The following SYN3 variants were observed in gnomAD, a reference collection of about 807,000 sequenced individuals.
SYN3 encodes the protein synapsin-3.
A neutral mutation model predicts 65.8 loss-of-function variants in SYN3; 35 were observed. That is an observed-to-expected ratio of 0.53 (90% confidence interval 0.41 to 0.70). SYN3 has a LOEUF of 0.70. SYN3 is among the 30% of genes least tolerant of loss of function. The probability of loss-of-function intolerance (pLI) is 0.00; values close to 1 mark genes in which losing one functional copy is unlikely to be tolerated. For missense variants in SYN3, 680 were observed against 749.0 expected (o/e 0.91, Z 1.08); for synonymous variants, 270 against 292.9 (o/e 0.92, Z 0.80).
At chr22:32,672,743 G>A (rs1254864800) in intron 6 of SYN3, among the ~76,000 whole-genome samples, 1 of 152,200 alleles carries the variant, frequency 6.6e-6, no homozygotes, top group Non-Finnish European at 1.5e-5. Context: ...CTGGGGAGGC[G>A]GCCAGCTGGG....
chr22:32,547,947 G>C (rs376014233), intron 7 of SYN3, among the ~76,000 whole-genome samples: 2 of 152,210 alleles, frequency 1.3e-5, no homozygotes, highest in African/African-American at 4.8e-5. Context: ...TATGGAGTAA[G>C]TCTTAGCCCT....
rs1162690886 is a variant in SYN3 at position 32,715,008 on chromosome 22, C to G, written c.712-118272G>C. Among the ~76,000 whole-genome samples the G allele has an allele frequency of 2.0e-5, 3 of 152,150 alleles. No homozygotes were observed. In the East Asian group the frequency reaches 5.8e-4, roughly 29 times the overall value. ...AAGTATGTTCTGCGGAGCGCTCCTT[C>G]CCCCAAGATGCTTCCCACAAGATAA... is the stretch of plus-strand genomic sequence containing the variant. On this transcript the variant is annotated intron_variant, in intron 6 of 13. Coordinates refer to ENST00000358763, the MANE Select transcript of SYN3 (RefSeq NM_003490.4).
intron 3 of SYN3, among the ~76,000 whole-genome samples, chr22:32,971,299 T>TA (rs1569367109): frequency 6.6e-6 from 1 of 152,198 alleles, no homozygotes; most frequent in Admixed American, 6.5e-5. Flanking sequence ...CTGCTTTTTT[T>TA]ATCCCCCCAG....
intron 4 of SYN3, among the ~76,000 whole-genome samples, chr22:32,923,765 T>C (rs986279127): frequency 1.3e-5 from 2 of 152,186 alleles, no homozygotes; most frequent in Admixed American, 1.3e-4. Context: ...TCATAGGGGT[T>C]TGCTGTACAG....
chr22:32,840,285 A>G (rs564608961), intron 6 of SYN3, among the ~76,000 whole-genome samples: 7 of 152,314 alleles, frequency 4.6e-5, no homozygotes, highest in African/African-American at 1.7e-4. Flanking sequence ...TAACGGAAAG[A>G]GTTAGTCAGG....
chr22:32,687,314 C>A (rs1015057384), intron 6 of SYN3, among the ~76,000 whole-genome samples: 93 of 152,180 alleles, frequency 6.1e-4, no homozygotes, highest in Middle Eastern at 3.4e-3. Flanking sequence ...AAGCGCTCAC[C>A]ACCACGCCCG....
In SYN3 at chr22:32,951,370, C is replaced by T. The variant is rs117895836; in HGVS notation, c.370-19889G>A. On this transcript the variant is annotated intron_variant, in intron 3 of 13. Transcript: ENST00000358763. ...AGCTGCATCCTCCCTGCAAAGCACC[C>T]TGCTGGGTTCCACAGCCAATTTCCT... Among the ~76,000 whole-genome samples, 12 of 152,320 alleles carry T rather than the reference C, an allele frequency of 7.9e-5. 1 individual carries two copies. The East Asian group carries it at 2.3e-3, about 29-fold the overall frequency.
chr22:32,684,953 T>C (rs1464234857), intron 6 of SYN3, among the ~76,000 whole-genome samples: 1 of 152,218 alleles, frequency 6.6e-6, no homozygotes, highest in African/African-American at 2.4e-5. Context: ...AAAGTAGGAA[T>C]TGGCAAACTG....
intron 1 of SYN3, among the ~76,000 whole-genome samples, chr22:33,035,141 C>T (rs1569416744): frequency 6.6e-6 from 1 of 152,024 alleles, no homozygotes; most frequent in Non-Finnish European, 1.5e-5. Flanking sequence ...GGAAGCTGGG[C>T]GGTCACCAGC....
chr22:32,830,137 C>A (rs948071295), intron 6 of SYN3, among the ~76,000 whole-genome samples: 2 of 152,192 alleles, frequency 1.3e-5, no homozygotes, highest in Non-Finnish European at 2.9e-5. Flanking sequence ...TGGGTCCCAG[C>A]TAGTACTTTG....
At chr22:32,784,223 G>T (rs756015103) in intron 6 of SYN3, among the ~76,000 whole-genome samples, 3 of 152,166 alleles carry the variant, frequency 2.0e-5, no homozygotes, top group African/African-American at 7.2e-5. Context: ...TTGAGTGATG[G>T]TGGGGCTTGT....
At position 32,813,486 on chromosome 22, in the gene SYN3, T is replaced by TACAC. The variant is rs130277; in HGVS notation, c.711+51425_711+51428dup. On this transcript the variant is annotated intron_variant, in intron 6 of 13. Coordinates refer to ENST00000358763, the MANE Select transcript of SYN3 (RefSeq NM_003490.4). ...TTTAATGTAACATCTTCTGAAAAGATACACACACACACACACACACACACA... is the reference window on the plus strand; with the variant it reads ...TTTAATGTAACATCTTCTGAAAAGATACACACACACACACACACACACACACACA... 1.4e-3 allele frequency among the ~76,000 whole-genome samples: 194 copies of TACAC among 138,280 alleles called. 2 individuals are homozygous for TACAC. The highest frequency in any genetic ancestry group is 2.8e-3 in the South Asian group (11 of 3,948). The allele number at this position is 138,280 out of a possible 152,430, so 90.7% of individuals were successfully genotyped here. A position where few individuals can be genotyped will look rare whatever the true frequency, so the allele number is the denominator to read the frequency against.
intron 1 of SYN3, among the ~76,000 whole-genome samples, chr22:33,018,072 G>C (rs538824153): frequency 6.6e-6 from 1 of 152,320 alleles, no homozygotes; most frequent in Admixed American, 6.5e-5. Flanking sequence ...GTGAAAGTAA[G>C]CCATTGGAGG....
rs552977937 is a variant in SYN3, at chr22:32,642,289, A to T, written c.712-45553T>A. Among the ~76,000 whole-genome samples, 562 of 151,454 alleles carry T rather than the reference A, an allele frequency of 3.7e-3. 4 individuals are homozygous for T. Among genetic ancestry groups the T allele is most frequent in the Middle Eastern group, 0.01 (3 of 292 alleles). ...TGGGTGACAGAGCAGGACTCCATTT[A>T]AAAAAAATAATAATAATAAAGAAGT... On this transcript the variant is annotated intron_variant, in intron 6 of 13. Coordinates refer to ENST00000358763, the MANE Select transcript of SYN3 (RefSeq NM_003490.4).
At position 32,859,115 on chromosome 22, in the gene SYN3, G is replaced by A. The variant is rs775227060; in HGVS notation, c.711+5800C>T. On this transcript the variant is annotated intron_variant, in intron 6 of 13. Transcript: ENST00000358763. ...GGCCCCAGGGTCTGAATCCAGGCTC[G>A]GTAGCCTCAGGCCTGGGCATACCAT... 6.8e-5 allele frequency: 107 copies of A among 1,572,748 alleles called. 1 individual carries two copies. In the African/African-American group the frequency reaches 1.1e-3, roughly 16 times the overall value.
At chr22:32,994,562 C>T (rs1392283395) in intron 2 of SYN3, among the ~76,000 whole-genome samples, 2 of 152,154 alleles carry the variant, frequency 1.3e-5, no homozygotes, top group South Asian at 2.1e-4. Context: ...GTAGGGGAAG[C>T]GGTGGAGAGA....
rs570393854 is a variant in SYN3 at position 32,980,607 on chromosome 22, G to T, written c.369+38C>A. 8 of 1,599,724 alleles carry T rather than the reference G, an allele frequency of 5.0e-6. No individual in the cohort carries two copies. In the African/African-American group the frequency reaches 6.7e-5, roughly 13 times the overall value. On this transcript the variant is annotated intron_variant, in intron 3 of 13. Coordinates refer to ENST00000358763, the MANE Select transcript of SYN3 (RefSeq NM_003490.4). ...TAAGAACAGCCCCAGCGGCAGAAAA[G>T]GTCAGTTGACAGTGCTAAAGACACA...
At chr22:33,013,300 A>G (rs1435636703) in intron 1 of SYN3, among the ~76,000 whole-genome samples, 1 of 152,242 alleles carries the variant, frequency 6.6e-6, no homozygotes, top group African/African-American at 2.4e-5. Context: ...GAACATGCAG[A>G]CAAACATTTA....
At chr22:32,677,475 TG>T (rs1257556945) in intron 6 of SYN3, among the ~76,000 whole-genome samples, 1 of 152,002 alleles carries the variant, frequency 6.6e-6, no homozygotes, top group African/African-American at 2.4e-5. Flanking sequence ...TTGAAACCAT[TG>T]AAAGAAACAA....
Sources: gnomAD v4.1 joint callset for allele counts (sites outside exome capture counted in the v4.1 genomes callset) on GRCh38, gnomAD v4.1.1 for gene constraint, MANE v1.5 for transcripts, NCBI Gene and HGNC (gene_info 2026-07-23, HGNC 2026-07-21) for gene names.